Variants in SEPSECS observed in about 807,000 individuals in gnomAD.
The protein encoded by SEPSECS is O-phosphoseryl-tRNA(Sec) selenium transferase.
Under a neutral mutation model 52.1 loss-of-function variants are expected in SEPSECS, and 42 were observed. The observed-to-expected ratio is 0.81, with a 90% CI of 0.63 to 1.04. The LOEUF is 1.04. SEPSECS is among the 50% of genes least tolerant of loss of function. The pLI is 0.00. For synonymous variants in SEPSECS, 216 were observed against 211.4 expected, an observed-to-expected ratio of 1.02 and a Z score of -0.19; for missense variants, 590 against 610.6, an observed-to-expected ratio of 0.97 and a Z score of 0.36.
intron 8 of SEPSECS, among the ~76,000 whole-genome samples, chr4:25,135,873 A>G (rs1728821398): frequency 6.6e-6 from 1 of 152,154 alleles, no homozygotes; most frequent in Non-Finnish European, 1.5e-5. Context: ...GTAGGCTTCA[A>G]CCCCAGGATG....
chr4:25,155,964 A>T, intron 4 of SEPSECS, 73 bp downstream of exon 4: 1 of 1,377,400 alleles, frequency 7.3e-7, no homozygotes, highest in Non-Finnish European at 1.0e-6. Flanking sequence ...TTTTTCATTT[A>T]TCTATCTTTA....
intron 8 of SEPSECS, among the ~76,000 whole-genome samples, chr4:25,142,573 T>C (rs1711644624): frequency 6.6e-6 from 1 of 152,204 alleles, no homozygotes; most frequent in Non-Finnish European, 1.5e-5. Context: ...ACACAGTAAA[T>C]GTTTACTCGA....
chr4:25,146,502 G>T (rs368429026), intron 6 of SEPSECS, among the ~76,000 whole-genome samples: 45 of 152,096 alleles, frequency 3.0e-4, no homozygotes, highest in African/African-American at 1.0e-3. Flanking sequence ...ATGCGAAGTA[G>T]CAGCATATAA....
intron 6 of SEPSECS, among the ~76,000 whole-genome samples, chr4:25,147,863 T>G (rs1425785086): frequency 6.6e-6 from 1 of 152,226 alleles, no homozygotes; most frequent in African/African-American, 2.4e-5. Context: ...AAGAAAAGAC[T>G]TACAGTATTA....
In SEPSECS at chr4:25,122,635, G is replaced by A. The variant is rs1728174888; in HGVS notation, c.*1296C>T. 6.6e-6 allele frequency: 1 copy of A among 152,126 alleles called. No homozygotes were observed. The highest frequency in any genetic ancestry group is 1.5e-5 in the Non-Finnish European group (1 of 68,002). The allele number at this position is 152,126 out of a possible 1,614,324, so 9.4% of individuals were successfully genotyped here. Reference sequence around the variant, plus strand: ...GTCTGTAAACATTTTCTCCCCATGAGCATCTTTTAGGAACATGATCCACAG... The same window carrying A: ...GTCTGTAAACATTTTCTCCCCATGAACATCTTTTAGGAACATGATCCACAG... On this transcript the variant is annotated 3_prime_UTR_variant, in exon 11 of 11. Coordinates refer to ENST00000382103, the MANE Select transcript of SEPSECS (RefSeq NM_016955.4).
intron 2 of SEPSECS, among the ~76,000 whole-genome samples, chr4:25,158,071 T>C (rs1226131818): frequency 6.6e-6 from 1 of 152,212 alleles, no homozygotes; most frequent in Admixed American, 6.5e-5. Flanking sequence ...GACAGTCAAA[T>C]ATATCAGAAA....
chr4:25,155,270 ACCTT>A, intron 4 of SEPSECS, 119 bp from the exon 5 acceptor site: 1 of 1,116,282 alleles, frequency 9.0e-7, no homozygotes, highest in East Asian at 2.5e-5. Flanking sequence ...TGGTAGATTA[ACCTT>A]CCTCTGGTAA....
chr4:25,146,010 T>C (rs1207168375), intron 6 of SEPSECS, among the ~76,000 whole-genome samples: 1 of 152,196 alleles, frequency 6.6e-6, no homozygotes, highest in African/African-American at 2.4e-5. Context: ...AATATTCCGG[T>C]GAAAAATTGA....
At chr4:25,128,514 AAT>A (rs2109488124) in intron 8 of SEPSECS, among the ~76,000 whole-genome samples, 1 of 152,248 alleles carries the variant, frequency 6.6e-6, no homozygotes, top group East Asian at 1.9e-4. Flanking sequence ...TGAAAAATAA[AAT>A]ATATTCAATA....
intron 8 of SEPSECS, among the ~76,000 whole-genome samples, chr4:25,141,060 G>T (rs1729044113): frequency 6.6e-6 from 1 of 152,108 alleles, no homozygotes; most frequent in South Asian, 2.1e-4. Context: ...GTTGATTTAA[G>T]GAATACAGGA....
rs1712992874 is a variant in SEPSECS at position 25,160,305 on chromosome 4, C to A, written c.65G>T (p.Cys22Phe). 2 of 1,549,916 alleles carry A rather than the reference C, an allele frequency of 1.3e-6. No homozygotes were observed. Among genetic ancestry groups the A allele is most frequent in the South Asian group, 2.4e-5 (2 of 84,268 alleles). ...GTGCTCATGCGAGCGGCGGGCCTCACAGCCCTGCCGCACGTAAGCCGGCGA... is the reference window on the plus strand; with the variant it reads ...GTGCTCATGCGAGCGGCGGGCCTCAAAGCCCTGCCGCACGTAAGCCGGCGA... ...LVSPAYVRQGCEARRSHEHLI... is the reference protein window; with the variant it reads ...LVSPAYVRQGFEARRSHEHLI... Residue 22 changes from cysteine to phenylalanine, a missense_variant, in exon 1 of 11, where the codon TGT (cysteine) becomes TTT (phenylalanine). Physicochemically the swap from Cys to Phe is radical, Grantham distance 205 (BLOSUM62 -2). Transcript: ENST00000382103.
At position 25,120,037 on chromosome 4, in the gene SEPSECS, T is replaced by C. The variant is rs771751503; in HGVS notation, c.*3894A>G. On this transcript the variant is annotated 3_prime_UTR_variant, in exon 11 of 11. Transcript: ENST00000382103. ...AGTGACTTATCAAAAATTTATTTCA[T>C]ATAATAAATTATATAATTTATTTTC... 1 of 152,022 alleles carries C rather than the reference T, an allele frequency of 6.6e-6. No individual in the cohort carries two copies. The highest frequency in any genetic ancestry group is 2.4e-5 in the African/African-American group (1 of 41,438). The allele number at this position is 152,022 out of a possible 1,614,324, so 9.4% of individuals were successfully genotyped here.
rs537581273 is a variant in SEPSECS at position 25,125,902 on chromosome 4, T to C, written c.1121-118A>G. 47 of 726,008 alleles carry C rather than the reference T, an allele frequency of 6.5e-5. No individual in the cohort carries two copies. The South Asian group carries it at 6.9e-4, about 11-fold the overall frequency. 45.0% of individuals were successfully genotyped at this position (726,008 alleles called of 1,614,324 possible). On this transcript the variant is annotated intron_variant, in intron 9 of 10. Coordinates refer to ENST00000382103, the MANE Select transcript of SEPSECS (RefSeq NM_016955.4). ...TTATTCATTGTCAAGTGGCACAATT[T>C]CACTTTAATGTACTTAATAAATCTT...
chr4:25,155,262 G>A (rs1712553283), intron 4 of SEPSECS, 111 bp from the exon 5 acceptor site: 2 of 1,204,056 alleles, frequency 1.7e-6, no homozygotes, highest in Admixed American at 2.0e-5. Flanking sequence ...ATTTATTTTG[G>A]TAGATTAACC....
rs1728239673 is a variant in SEPSECS, at chr4:25,123,930, G to A, written c.*1C>T. 1 of 1,611,820 alleles carries A rather than the reference G, an allele frequency of 6.2e-7. No individual in the cohort carries two copies. Among genetic ancestry groups the A allele is most frequent in the African/African-American group, 1.3e-5 (1 of 74,882 alleles). On this transcript the variant is annotated 3_prime_UTR_variant, in exon 11 of 11. Transcript: ENST00000382103. ...ATGATCAAGAAGAAACCCTTCGCAT[G>A]TCATGAAGAAGCATCCTGGTATGTG...
rs570585468 is a variant in SEPSECS, at chr4:25,128,665, T to C, written c.1027-1308A>G. ...TACTTTCTTCTCCTCACAAGACCTTTAAAAAGTGTTGAAATCAGTATCTGC... is the reference window on the plus strand; with the variant it reads ...TACTTTCTTCTCCTCACAAGACCTTCAAAAAGTGTTGAAATCAGTATCTGC... On this transcript the variant is annotated intron_variant, in intron 8 of 10. Coordinates refer to ENST00000382103, the MANE Select transcript of SEPSECS (RefSeq NM_016955.4). 3.3e-5 allele frequency among the ~76,000 whole-genome samples: 5 copies of C among 152,240 alleles called. No homozygotes were observed. In the South Asian group the frequency reaches 8.3e-4, roughly 25 times the overall value.
chr4:25,158,076 C>T (rs1165154022), intron 2 of SEPSECS, among the ~76,000 whole-genome samples: 1 of 152,136 alleles, frequency 6.6e-6, no homozygotes, highest in Non-Finnish European at 1.5e-5. Context: ...TCAAATATAT[C>T]AGAAATTCGG....
Position 25,156,846 on chromosome 4 carries a change from C to T in SEPSECS, c.388+10G>A, listed in dbSNP as rs376797370. 72 of 1,379,862 alleles carry T rather than the reference C, an allele frequency of 5.2e-5. 1 individual carries two copies. Among genetic ancestry groups the T allele is most frequent in the African/African-American group, 3.6e-4 (25 of 69,898 alleles). 85.5% of individuals were successfully genotyped at this position (1,379,862 alleles called of 1,614,324 possible). ...ACAGCCAAAAGCATTATGATTAAGA[C>T]GGTACATACCAGCCAGCTTTATAAT... On this transcript the variant is annotated intron_variant, in intron 3 of 10. Transcript: ENST00000382103.
chr4:25,139,088 G>A (rs1728954788), intron 8 of SEPSECS, among the ~76,000 whole-genome samples: 1 of 152,100 alleles, frequency 6.6e-6, no homozygotes. Flanking sequence ...CAGATCTGGG[G>A]TAGGTGTCCC....
Sources: allele counts gnomAD v4.1 joint callset (sites outside exome capture counted in the v4.1 genomes callset), GRCh38; gene constraint gnomAD v4.1.1; transcripts MANE v1.5; gene names NCBI Gene and HGNC (gene_info 2026-07-23, HGNC 2026-07-21).